Variants in WDR62 observed in about 807,000 individuals in gnomAD.
The protein encoded by WDR62 is WD repeat domain 62.
WDR62 carries 112 observed loss-of-function variants against 160.6 expected under a neutral mutation model. That is an observed-to-expected ratio of 0.70 (90% confidence interval 0.60 to 0.82). The LOEUF (loss-of-function observed/expected upper bound fraction) is 0.82, where lower values mean the gene tolerates loss of function less well. WDR62 is among the 40% of genes least tolerant of loss of function. The pLI is 0.00. For missense variants in WDR62, 1,819 were observed against 1,983.8 expected, an observed-to-expected ratio of 0.92 and a Z score of 1.58; for synonymous variants, 792 against 815.1, an observed-to-expected ratio of 0.97 and a Z score of 0.48.
At chr19:36,069,511 G>A (rs1971163778) in intron 7 of WDR62, among the ~76,000 whole-genome samples, 1 of 151,802 alleles carries the variant, frequency 6.6e-6, no homozygotes, top group African/African-American at 2.4e-5. Context: ...CCCAGATTGG[G>A]CAGCCGAGCA....
At chr19:36,070,208 G>C (rs1430659582) in intron 7 of WDR62, 2 of 147,838 alleles carry the variant, frequency 1.4e-5, no homozygotes, top group Non-Finnish European at 3.0e-5. Flanking sequence ...GCCAAGGCTG[G>C]AGTGCAGTGG....
chr19:36,097,865 G>T (rs1973067344), intron 21 of WDR62, among the ~76,000 whole-genome samples: 1 of 152,046 alleles, frequency 6.6e-6, no homozygotes, highest in South Asian at 2.1e-4. Flanking sequence ...GAGCAACAGA[G>T]CCAACACTTT....
Position 36,083,109 on chromosome 19 carries a change from A to G in WDR62, c.1418A>G (p.Gln473Arg), listed in dbSNP as rs751045371. The change falls in exon 11 of 32, where the codon CAG becomes CGG. Residue 473 changes from glutamine to arginine, a missense_variant. By Grantham distance (43) the Gln-to-Arg change is conservative (BLOSUM62 1). This residue lies in a region of WDR62 where 934 missense variants were observed against 1,157.2 expected (regional missense o/e 0.81). Coordinates refer to ENST00000401500, the MANE Select transcript of WDR62 (RefSeq NM_001083961.2). ...GTGGAGAATGACATCCAGCACCTGC[A>G]GGACATGTCACACTTCCCAGACCGG... ...VYVENDIQHL[Q>R]DMSHFPDRGS... 6.2e-7 allele frequency: 1 copy of G among 1,613,684 alleles called. No homozygotes were observed. The highest frequency in any genetic ancestry group is 2.2e-5 in the East Asian group (1 of 44,880).
At chr19:36,104,703 G>A (rs760770978) in intron 31 of WDR62, 28 bp downstream of exon 31, 2 of 1,613,956 alleles carry the variant, frequency 1.2e-6, no homozygotes, top group East Asian at 4.5e-5. Flanking sequence ...GTTGGGAAAG[G>A]GTTGAGGGGT....
chr19:36,089,863 T>G (rs1317811248), intron 15 of WDR62, among the ~76,000 whole-genome samples: 1 of 152,206 alleles, frequency 6.6e-6, no homozygotes, highest in Non-Finnish European at 1.5e-5. Flanking sequence ...ATGTGGCACA[T>G]AAACTCCCTC....
chr19:36,060,070 G>GCAA, intron 3 of WDR62, 40 bp downstream of exon 3: 1 of 1,607,000 alleles, frequency 6.2e-7, no homozygotes, highest in Non-Finnish European at 8.5e-7. Flanking sequence ...GTGGAACCAG[G>GCAA]GGCTTGGCAC....
In WDR62 at chr19:36,054,986, G is replaced by A. The variant is rs773639349; in HGVS notation, c.15G>A (p.Gly5=). 1.2e-6 allele frequency: 2 copies of A among 1,604,292 alleles called. No homozygotes were observed. The highest frequency in any genetic ancestry group is 4.5e-5 in the East Asian group (2 of 44,572). Residue 5 remains glycine (G), a synonymous_variant, in exon 1 of 32, where the codon GGG becomes GGA. Coordinates refer to ENST00000401500, the MANE Select transcript of WDR62 (RefSeq NM_001083961.2). MAAV[G]SGGYARNDAG... ...CCGGCGTGACGATGGCGGCCGTAGG[G>A]TCCGGAGGCTATGCGCGGAACGATG...
At chr19:36,082,980 A>G in intron 10 of WDR62, 83 bp from the exon 11 acceptor site, 2 of 1,262,320 alleles carry the variant, frequency 1.6e-6, no homozygotes, top group Non-Finnish European at 2.3e-6. Flanking sequence ...TTACTAACGA[A>G]GAAGAGACTG....
chr19:36,067,804 T>C lies in WDR62; in HGVS notation c.700-24T>C. 1.9e-6 allele frequency: 3 copies of C among 1,613,004 alleles called. No homozygotes were observed. The East Asian group carries it at 6.7e-5, about 36-fold the overall frequency. ...GGGCCCAGCTGTGTGGACAAGTATC[T>C]CACTACGCCCTCTGTGTCTCCAGGT... is the stretch of plus-strand genomic sequence containing the variant. On this transcript the variant is annotated intron_variant, in intron 6 of 31. Transcript: ENST00000401500.
chr19:36,099,619 T>C lies in WDR62; in HGVS notation c.2739+2T>C. The C allele has an allele frequency of 6.2e-7, 1 of 1,613,918 alleles. No individual in the cohort carries two copies. The highest frequency in any genetic ancestry group is 8.5e-7 in the Non-Finnish European group (1 of 1,179,962). On this transcript the variant is annotated splice_donor_variant, in intron 22 of 31. Transcript: ENST00000401500. LOFTEE classifies it high-confidence loss of function. ...AGCCTGGCCAGCCTGCTGAGTGAGG[T>C]ACACACTTCCACCGCAGCCTGGCCC... is the stretch of plus-strand genomic sequence containing the variant.
Position 36,103,986 on chromosome 19 carries a change from G to A in WDR62, c.4153+5G>A. The A allele has an allele frequency of 6.3e-7, 1 of 1,597,506 alleles. No individual in the cohort carries two copies. The highest frequency in any genetic ancestry group is 8.5e-7 in the Non-Finnish European group (1 of 1,179,816). On this transcript the variant is annotated splice_donor_5th_base_variant and intron_variant, in intron 30 of 31. Coordinates refer to ENST00000401500, the MANE Select transcript of WDR62 (RefSeq NM_001083961.2). ...CCCTCCTGGAGCCCACCTCCGGTGA[G>A]TACAGCCCTGGAGCAAGGACTGTCC...
At chr19:36,100,446 C>T (rs1973258699) in intron 22 of WDR62, among the ~76,000 whole-genome samples, 2 of 152,212 alleles carry the variant, frequency 1.3e-5, no homozygotes, top group African/African-American at 4.8e-5. Flanking sequence ...CCAGTCAGGT[C>T]CCCGCACCAG....
intron 16 of WDR62, 88 bp downstream of exon 16, chr19:36,090,608 T>C: frequency 8.0e-7 from 1 of 1,251,100 alleles, no homozygotes; most frequent in Non-Finnish European, 1.2e-6. Context: ...CCCTTGGTCC[T>C]TCCTCAGTGC....
rs778923974 is a variant in WDR62, at chr19:36,103,195, T to A, written c.3502T>A (p.Trp1168Arg). 6.2e-7 allele frequency: 1 copy of A among 1,613,670 alleles called. No individual in the cohort carries two copies. Among genetic ancestry groups the A allele is most frequent in the East Asian group, 2.2e-5 (1 of 44,876 alleles). ...GAAGGCTGAAGAGACCCTGGAGGCCTGGCGCCCACCACGTGAGTGCCCCAG... is the reference window on the plus strand; with the variant it reads ...GAAGGCTGAAGAGACCCTGGAGGCCAGGCGCCCACCACGTGAGTGCCCCAG... Reference protein sequence around the residue: ...AGKAEETLEAWRPPPPCLTSL... With the variant: ...AGKAEETLEARRPPPPCLTSL... Residue 1168 changes from tryptophan to arginine, a missense_variant, in exon 29 of 32, where the codon TGG (tryptophan) becomes AGG (arginine). Physicochemically the swap from Trp to Arg is moderately radical, Grantham distance 101. This residue lies in a region of WDR62 where 770 missense variants were observed against 734.2 expected (regional missense o/e 1.05). Transcript: ENST00000401500.
intron 3 of WDR62, chr19:36,061,757 C>T (rs1301764960): frequency 6.6e-6 from 1 of 152,170 alleles, no homozygotes; most frequent in Non-Finnish European, 1.5e-5. Context: ...TCAGAATCAC[C>T]TGGTCCCTGT....
chr19:36,067,731 C>A, intron 6 of WDR62, 97 bp from the exon 7 acceptor site: 1 of 1,393,888 alleles, frequency 7.2e-7, no homozygotes, highest in Non-Finnish European at 1.0e-6. Context: ...TTTGGAAGAG[C>A]TTCTTAGAGT....
intron 11 of WDR62, among the ~76,000 whole-genome samples, chr19:36,083,869 C>G (rs933298038): frequency 6.6e-6 from 1 of 152,174 alleles, no homozygotes; most frequent in Admixed American, 6.5e-5. Context: ...TTCAAACTTT[C>G]CTGTTGTCAA....
chr19:36,084,814 G>A (rs1016937453), intron 12 of WDR62, 70 bp downstream of exon 12: 7 of 1,439,258 alleles, frequency 4.9e-6, no homozygotes, highest in Non-Finnish European at 6.8e-6. Flanking sequence ...CCACAGAAAG[G>A]GGTAGTTGGT....
At position 36,101,507 on chromosome 19, in the gene WDR62, C is replaced by T. The variant is rs1367836218; in HGVS notation, c.2972-157C>T. On this transcript the variant is annotated intron_variant, in intron 24 of 31. Transcript: ENST00000401500. ...AGCTGAGAGCCCAGCTCTGCCACCT[C>T]CTTGATGTGGAACTTCCCTTATTCA... is the stretch of plus-strand genomic sequence containing the variant. 3 of 790,506 alleles carry T rather than the reference C, an allele frequency of 3.8e-6. No individual in the cohort carries two copies. The African/African-American group carries it at 5.1e-5, about 14-fold the overall frequency. 49.0% of individuals were successfully genotyped at this position (790,506 alleles called of 1,614,324 possible).
Sources: gnomAD v4.1 joint callset for allele counts (sites outside exome capture counted in the v4.1 genomes callset) on GRCh38, gnomAD v4.1.1 for gene constraint, gnomAD v4.1.1 regional missense constraint, MANE v1.5 for transcripts, NCBI Gene and HGNC (gene_info 2026-07-23, HGNC 2026-07-21) for gene names.